ANKH: variants seen among roughly 807,000 people sequenced by gnomAD.
ANKH encodes mineralization regulator ANKH.
In ANKH, 15 loss-of-function variants were observed where a neutral mutation model predicts 49.0. That is an observed-to-expected ratio of 0.31 (90% CI 0.20 to 0.47). The LOEUF (loss-of-function observed/expected upper bound fraction) is 0.47. ANKH is among the 20% of genes least tolerant of loss of function. The pLI, the probability that ANKH is intolerant of heterozygous loss-of-function variation, is 1.00. For missense variants in ANKH, 429 were observed against 652.0 expected, an observed-to-expected ratio of 0.66 and a Z score of 3.72; for synonymous variants, 273 against 260.0, an observed-to-expected ratio of 1.05 and a Z score of -0.48.
intron 2 of ANKH, among the ~76,000 whole-genome samples, chr5:14,767,096 G>C (rs1739280338): frequency 6.6e-6 from 1 of 152,190 alleles, no homozygotes; most frequent in Non-Finnish European, 1.5e-5. Context: ...GTGGTGGGAA[G>C]AATGGCTGGG....
At chr5:14,749,874 C>T (rs1738657621) in intron 5 of ANKH, among the ~76,000 whole-genome samples, 1 of 152,158 alleles carries the variant, frequency 6.6e-6, no homozygotes, top group African/African-American at 2.4e-5. Context: ...CAAGGGATTC[C>T]TAAGACTTCT....
At position 14,725,639 on chromosome 5, in the gene ANKH, C is replaced by G. The variant is rs756381181; in HGVS notation, c.1012-8804G>C. Among the ~76,000 whole-genome samples, 2 of 152,230 alleles carry G rather than the reference C, an allele frequency of 1.3e-5. No homozygotes were observed. The highest frequency in any genetic ancestry group is 1.3e-4 in the Admixed American group (2 of 15,284). ...TTCCTGGGACCGTATTCTAACAAAA[C>G]GCTAGCAGGGGAGTCCTCTGGAGGT... On this transcript the variant is annotated intron_variant, in intron 8 of 11. Coordinates refer to ENST00000284268, the MANE Select transcript of ANKH (RefSeq NM_054027.6). The surrounding 1 kb of genome is among the most constrained non-coding windows in gnomAD (Gnocchi z 4.0).
chr5:14,870,013 AAAGAAGGG>A (rs905059754), intron 1 of ANKH: 2 of 150,412 alleles, frequency 1.3e-5, no homozygotes, highest in African/African-American at 4.9e-5. Context: ...GTTACTATAG[AAAGAAGGG>A]AAGGTGGGCG....
intron 1 of ANKH, among the ~76,000 whole-genome samples, chr5:14,847,493 C>T (rs12188319): frequency 0.053 from 8,129 of 152,262 alleles, 272 homozygotes; most frequent in Middle Eastern, 0.15. Flanking sequence ...GACAAAGTGT[C>T]GCCGTCGAGA....
chr5:14,717,047 G>A (rs1737494430), intron 8 of ANKH: 6 of 577,324 alleles, frequency 1.0e-5, no homozygotes, highest in South Asian at 8.9e-5. Context: ...CTGTACCCAG[G>A]GGACCCCCAC....
chr5:14,871,242 G>A (rs1453451728), intron 1 of ANKH, 110 bp downstream of exon 1: 24 of 951,734 alleles, frequency 2.5e-5, no homozygotes, highest in Non-Finnish European at 3.8e-5. Flanking sequence ...CCGACCAAAT[G>A]TTTCAGGATA....
intron 1 of ANKH, among the ~76,000 whole-genome samples, chr5:14,825,123 T>TG (rs1741303493): frequency 1.3e-5 from 2 of 152,200 alleles, no homozygotes; most frequent in African/African-American, 2.4e-5. Context: ...GGTGCTTTCC[T>TG]CATTCAGCTA....
At chr5:14,787,111 C>T (rs1740002803) in intron 1 of ANKH, among the ~76,000 whole-genome samples, 1 of 151,896 alleles carries the variant, frequency 6.6e-6, no homozygotes, top group Admixed American at 6.6e-5. Context: ...GTCAGGAGTT[C>T]AAGACCAGCC....
At chr5:14,863,947 G>C (rs968623249) in intron 1 of ANKH, among the ~76,000 whole-genome samples, 3 of 152,206 alleles carry the variant, frequency 2.0e-5, no homozygotes, top group African/African-American at 7.2e-5. Context: ...GGATGTGGTG[G>C]CTCGTGCCTG....
At chr5:14,727,122 T>C (rs893849918) in intron 8 of ANKH, among the ~76,000 whole-genome samples, 2 of 152,164 alleles carry the variant, frequency 1.3e-5, no homozygotes, top group African/African-American at 2.4e-5. Flanking sequence ...TAGCAAACAA[T>C]AGATGAAAAA....
At chr5:14,711,352 G>T (rs760496415) in intron 11 of ANKH, 42 bp from the exon 12 acceptor site, 1 of 1,538,188 alleles carries the variant, frequency 6.5e-7, no homozygotes, top group South Asian at 1.1e-5. Flanking sequence ...TGTGGATGGG[G>T]ACACTGCACA....
chr5:14,859,289 T>TC, intron 1 of ANKH, among the ~76,000 whole-genome samples: 1 of 152,362 alleles, frequency 6.6e-6, no homozygotes, highest in East Asian at 1.9e-4. Context: ...TTTGTGTCTG[T>TC]CTTATTTTAC....
At chr5:14,807,112 T>TC (rs1452891118) in intron 1 of ANKH, among the ~76,000 whole-genome samples, 1 of 145,610 alleles carries the variant, frequency 6.9e-6, no homozygotes, top group Non-Finnish European at 1.5e-5. Flanking sequence ...CCATGATATT[T>TC]CTTTTTTTTT....
At chr5:14,790,546 G>A (rs258232) in intron 1 of ANKH, among the ~76,000 whole-genome samples, 93,075 of 152,122 alleles carry the variant, frequency 0.61, 29,187 homozygotes, top group South Asian at 0.77. Flanking sequence ...TTATTCACTG[G>A]TTCTTTTCTT....
Position 14,711,089 on chromosome 5 carries a change from CAAAACAAAACAAAAAAAAG to C in ANKH, c.*89_*107del, listed in dbSNP as rs1285681209. On this transcript the variant is annotated 3_prime_UTR_variant, in exon 12 of 12. Transcript: ENST00000284268. ...TTTAAATCAAGGCCTCTTTCATTAC[CAAAACAAAACAAAAAAAAG>C]GGAACAAAATACGATGGGAGAGGGA... The C allele has an allele frequency of 3.9e-5, 40 of 1,033,350 alleles. No homozygotes were observed. Among genetic ancestry groups the C allele is most frequent in the Non-Finnish European group, 5.9e-5 (39 of 657,872 alleles). The allele number at this position is 1,033,350 out of a possible 1,614,324, so 64.0% of individuals were successfully genotyped here.
chr5:14,737,839 C>A lies in ANKH; in HGVS notation c.1011+3988G>T, dbSNP rs1055848657. Reference sequence around the variant, plus strand: ...TGCTATCAAGGGGATTCCGTTTCATCTGACAGTTCTACTGTTTTGAAGCCA... The same window carrying A: ...TGCTATCAAGGGGATTCCGTTTCATATGACAGTTCTACTGTTTTGAAGCCA... On this transcript the variant is annotated intron_variant, in intron 8 of 11. Transcript: ENST00000284268. The surrounding 1 kb of genome is among the most constrained non-coding windows in gnomAD (Gnocchi z 5.0). Among the ~76,000 whole-genome samples the A allele has an allele frequency of 6.6e-6, 1 of 152,240 alleles. No homozygotes were observed. Among genetic ancestry groups the A allele is most frequent in the African/African-American group, 2.4e-5 (1 of 41,470 alleles).
At chr5:14,751,291 T>A in intron 4 of ANKH, 52 bp from the exon 5 acceptor site, 4 of 1,576,274 alleles carry the variant, frequency 2.5e-6, no homozygotes, top group Non-Finnish European at 3.5e-6. Context: ...GGGAACCGAC[T>A]GACAGAAGCA....
At chr5:14,811,481 T>C (rs540270353) in intron 1 of ANKH, among the ~76,000 whole-genome samples, 54 of 152,310 alleles carry the variant, frequency 3.5e-4, no homozygotes, top group Non-Finnish European at 5.7e-4. Context: ...TAGGTCCTTT[T>C]GAATTGCCTG....
intron 1 of ANKH, among the ~76,000 whole-genome samples, chr5:14,849,208 T>A (rs80020997): frequency 0.011 from 1,713 of 152,338 alleles, 32 homozygotes; most frequent in African/African-American, 0.039. Context: ...TTCTTCTTTG[T>A]CAGATTTGTA....
Sources: allele counts gnomAD v4.1 joint callset (sites outside exome capture counted in the v4.1 genomes callset), GRCh38; gene constraint gnomAD v4.1.1; non-coding constraint Gnocchi (gnomAD v3.1); transcripts MANE v1.5; gene names NCBI Gene and HGNC (gene_info 2026-07-23, HGNC 2026-07-21).